OVCH1: variants seen among roughly 807,000 people sequenced by gnomAD.
OVCH1 encodes ovochymase 1, also known as ovochymase-1.
In OVCH1, 139 loss-of-function variants were observed where a neutral mutation model predicts 138.4. That is an observed-to-expected ratio of 1.00 (90% CI 0.87 to 1.16). OVCH1 has a LOEUF of 1.16. Ranked by LOEUF, OVCH1 falls within the 50% of genes most tolerant of loss-of-function variation. The pLI, the probability that OVCH1 is intolerant of heterozygous loss-of-function variation, is 0.00. For synonymous variants in OVCH1, 453 were observed against 467.8 expected (o/e 0.97, Z 0.41); for missense variants, 1,367 against 1,357.9 (o/e 1.01, Z -0.11).
chr12:29,451,621 A>T (rs1941799242), intron 21 of OVCH1, 52 bp from the exon 22 acceptor site: 7 of 1,411,332 alleles, frequency 5.0e-6, no homozygotes, highest in Non-Finnish European at 6.8e-6. Flanking sequence ...AAAGCAAAGA[A>T]AAACCAGATT....
Position 29,418,118 on chromosome 12 carries a change from G to T in OVCH1, c.*71+5009C>A, listed in dbSNP as rs117141492. Among the ~76,000 whole-genome samples, 6 of 152,316 alleles carry T rather than the reference G, an allele frequency of 3.9e-5. No homozygotes were observed. In the East Asian group the frequency reaches 1.2e-3, roughly 29 times the overall value. On this transcript the variant is annotated intron_variant and NMD_transcript_variant, in intron 3 of 4. Coordinates refer to the OVCH1 transcript ENST00000539117. Reference sequence around the variant, plus strand: ...CTGAATGTTCACCTGTGCTAAGTAGGTGGGCAGGGTACTGTTATTCCTTTC... The same window carrying T: ...CTGAATGTTCACCTGTGCTAAGTAGTTGGGCAGGGTACTGTTATTCCTTTC...
At chr12:29,469,494 T>C (rs1419259173) in intron 16 of OVCH1, among the ~76,000 whole-genome samples, 1 of 152,048 alleles carries the variant, frequency 6.6e-6, no homozygotes, top group Non-Finnish European at 1.5e-5. Context: ...GCAACTACAA[T>C]GACCTTGAGA....
the OVCH1 span, among the ~76,000 whole-genome samples, chr12:29,404,090 A>G: frequency 6.6e-6 from 1 of 152,042 alleles, no homozygotes; most frequent in South Asian, 2.1e-4. Flanking sequence ...TCAGCACTGA[A>G]AAGACATTCA....
exon 23 of OVCH1, chr12:29,445,312 T>G: frequency 6.2e-7 from 1 of 1,612,102 alleles, no homozygotes; most frequent in Non-Finnish European, 8.5e-7. Context: ...TTATACCAAA[T>G]GCACCTCGTA....
In OVCH1 at chr12:29,476,246, AG is replaced by A; in HGVS notation, c.1430del (p.Ala477ValfsTer3). On this transcript the variant is annotated frameshift_variant, in exon 13 of 28. Transcript: ENST00000318184. LOFTEE classifies it high-confidence loss of function. ...CTTCAGAATCACCGTAAATCACAAC[AG>A]CATCATAAATACAGTTTGGACTAAA... 1 of 1,613,714 alleles carries A rather than the reference AG, an allele frequency of 6.2e-7. No individual in the cohort carries two copies. The highest frequency in any genetic ancestry group is 1.1e-5 in the South Asian group (1 of 91,074).
At chr12:29,462,091 C>G (rs1942157233) in intron 18 of OVCH1, 83 bp from the exon 19 acceptor site, 2 of 1,445,646 alleles carry the variant, frequency 1.4e-6, no homozygotes, top group Non-Finnish European at 1.9e-6. Flanking sequence ...TCAGATGTAG[C>G]TCTGTACCAA....
intron 19 of OVCH1, among the ~76,000 whole-genome samples, chr12:29,460,518 C>T (rs1942096211): frequency 1.3e-5 from 2 of 152,148 alleles, no homozygotes; most frequent in South Asian, 4.1e-4. Context: ...CTCCACTACA[C>T]CCAGGAGGCA....
intron 8 of OVCH1, among the ~76,000 whole-genome samples, chr12:29,485,457 A>G (rs1051917747): frequency 6.6e-6 from 1 of 151,892 alleles, no homozygotes; most frequent in Non-Finnish European, 1.5e-5. Flanking sequence ...CCTGGCCAAC[A>G]TGGTGAAATC....
intron 26 of OVCH1, chr12:29,439,292 A>G: frequency 1.4e-6 from 2 of 1,422,362 alleles, no homozygotes; most frequent in South Asian, 1.7e-5. Flanking sequence ...GATGTTATAT[A>G]AGCCCAAGTT....
intron 26 of OVCH1, among the ~76,000 whole-genome samples, chr12:29,439,023 C>A (rs983166358): frequency 6.6e-6 from 1 of 152,026 alleles, no homozygotes; most frequent in Non-Finnish European, 1.5e-5. Context: ...AACTCTCTGC[C>A]CTCCCACTAT....
At chr12:29,497,006 C>T (rs1158838568) in intron 1 of OVCH1, among the ~76,000 whole-genome samples, 2 of 152,158 alleles carry the variant, frequency 1.3e-5, no homozygotes, top group Non-Finnish European at 2.9e-5. Flanking sequence ...TGCAGTGGTT[C>T]CCGCCTGTAA....
Position 29,461,897 on chromosome 12 carries a change from A to T in OVCH1, c.2237T>A (p.Ile746Asn), listed in dbSNP as rs560062354. 5.6e-6 allele frequency: 9 copies of T among 1,613,876 alleles called. No individual in the cohort carries two copies. The Admixed American group carries it at 1.3e-4, about 24-fold the overall frequency. ...TCCAGATGCTGCAAAGCCAGCACAG[A>T]TCATCTTCTCTGTGATCCCTCCTGG... Residue 746 changes from isoleucine to asparagine, a missense_variant, in exon 19 of 28, where the codon ATC becomes AAC. Coordinates refer to ENST00000318184, the Ensembl canonical transcript of OVCH1.
At position 29,430,672 on chromosome 12, in the gene OVCH1, A is replaced by T. The variant is rs1941252362; in HGVS notation, c.3328-3024T>A. Among the ~76,000 whole-genome samples, 3 of 152,172 alleles carry T rather than the reference A, an allele frequency of 2.0e-5. No homozygotes were observed. The South Asian group carries it at 6.2e-4, about 31-fold the overall frequency. ...TCACTTCCACCATGCCCTCTCCAAA[A>T]GCACTGAGTCTGTTTCCAGGCAGTG... On this transcript the variant is annotated intron_variant, in intron 27 of 27. Coordinates refer to ENST00000318184, the Ensembl canonical transcript of OVCH1.
chr12:29,490,770 C>CA (rs1260579467), intron 5 of OVCH1, among the ~76,000 whole-genome samples: 7 of 152,024 alleles, frequency 4.6e-5, no homozygotes, highest in African/African-American at 1.4e-4. Flanking sequence ...TCTGACTTTT[C>CA]AAAAAAGTCA....
intron 25 of OVCH1, among the ~76,000 whole-genome samples, chr12:29,441,286 A>G (rs1941478811): frequency 6.6e-6 from 1 of 152,184 alleles, no homozygotes; most frequent in South Asian, 2.1e-4. Context: ...AGATCAATGG[A>G]ACAGAACAGA....
chr12:29,439,600 C>T (rs1029206120), intron 25 of OVCH1, among the ~76,000 whole-genome samples: 2 of 152,100 alleles, frequency 1.3e-5, no homozygotes, highest in African/African-American at 4.8e-5. Flanking sequence ...GGATTTTTTC[C>T]CTCCACAACA....
chr12:29,491,216 G>A, intron 4 of OVCH1, 24 bp from the exon 5 acceptor site: 1 of 1,568,598 alleles, frequency 6.4e-7, no homozygotes, highest in Non-Finnish European at 8.8e-7. Flanking sequence ...AAAGGCATGA[G>A]GTTCATGGAT....
At chr12:29,474,111 A>ACACACACACACACAT in intron 14 of OVCH1, among the ~76,000 whole-genome samples, 1 of 139,908 alleles carries the variant, frequency 7.1e-6, no homozygotes. Flanking sequence ...ACACATATAT[A>ACACACACACACACAT]TATCTGTCCC....
At chr12:29,433,636 T>G in intron 27 of OVCH1, 1 of 1,134,134 alleles carries the variant, frequency 8.8e-7, no homozygotes, top group Non-Finnish European at 1.2e-6. Context: ...CAATCTTCAT[T>G]TCTTTGAATA....
Sources: gnomAD v4.1 joint callset for allele counts (sites outside exome capture counted in the v4.1 genomes callset) on GRCh38, gnomAD v4.1.1 for gene constraint, MANE v1.5 for transcripts, NCBI Gene and HGNC (gene_info 2026-07-23, HGNC 2026-07-21) for gene names.